The following SMARCC2 variants were observed in gnomAD, a reference collection of about 807,000 sequenced individuals.
SMARCC2 encodes SWI/SNF related BAF chromatin remodeling complex subunit C2.
SMARCC2 carries 15 observed loss-of-function variants against 151.3 expected under a neutral mutation model. The observed-to-expected ratio is 0.10, with a 90% CI of 0.07 to 0.15. The LOEUF is 0.15. Among genes scored for constraint, SMARCC2 ranks in the 10% least tolerant of loss-of-function variants. SMARCC2 has a pLI of 1.00. For synonymous variants in SMARCC2, 590 were observed against 609.5 expected, an observed-to-expected ratio of 0.97 and a Z score of 0.47; for missense variants, 1,031 against 1,599.7, an observed-to-expected ratio of 0.64 and a Z score of 6.06.
chr12:56,178,347 G>A, intron 14 of SMARCC2, 57 bp downstream of exon 14: 2 of 1,587,368 alleles, frequency 1.3e-6, no homozygotes, highest in Non-Finnish European at 8.7e-7. Flanking sequence ...AGAACAGCCT[G>A]TTGACCCCTG....
intron 15 of SMARCC2, among the ~76,000 whole-genome samples, chr12:56,176,611 G>C (rs1447226934): frequency 6.6e-6 from 1 of 151,050 alleles, no homozygotes; most frequent in African/African-American, 2.4e-5. Flanking sequence ...CCAAGTAGCT[G>C]GAACTACAGG....
chr12:56,172,388 T>A, intron 20 of SMARCC2, 40 bp downstream of exon 20: 1 of 1,520,806 alleles, frequency 6.6e-7, no homozygotes, highest in Non-Finnish European at 8.8e-7. Flanking sequence ...AGCCCACTTC[T>A]GTTTTCAGAG....
chr12:56,166,821 T>G (rs1872865742), intron 26 of SMARCC2, among the ~76,000 whole-genome samples: 1 of 152,010 alleles, frequency 6.6e-6, no homozygotes, highest in Non-Finnish European at 1.5e-5. Flanking sequence ...CCCAGCGCTT[T>G]GGGAGGCTGA....
intron 22 of SMARCC2, among the ~76,000 whole-genome samples, chr12:56,170,936 T>C (rs1873832552): frequency 6.6e-6 from 1 of 151,458 alleles, no homozygotes; most frequent in Non-Finnish European, 1.5e-5. Flanking sequence ...TTTCAGCATC[T>C]TGGCCAGGCT....
At chr12:56,179,105 G>A (rs1875616742) in intron 11 of SMARCC2, 49 bp from the exon 12 acceptor site, 1 of 1,536,598 alleles carries the variant, frequency 6.5e-7, no homozygotes, top group African/African-American at 1.4e-5. Flanking sequence ...CCTAATTCAA[G>A]CCTTCAATTT....
At chr12:56,184,022 T>C (rs1876766226) in intron 6 of SMARCC2, 92 bp from the exon 7 acceptor site, 1 of 1,098,544 alleles carries the variant, frequency 9.1e-7, no homozygotes, top group Non-Finnish European at 1.4e-6. Flanking sequence ...CACTCTCCTG[T>C]TGTAGCAGGG....
At chr12:56,175,862 A>AT (rs1039634419) in intron 15 of SMARCC2, among the ~76,000 whole-genome samples, 64 of 148,408 alleles carry the variant, frequency 4.3e-4, no homozygotes, top group African/African-American at 6.7e-4. Context: ...ATCATTTACT[A>AT]TTTTTTTTTT....
intron 26 of SMARCC2, among the ~76,000 whole-genome samples, chr12:56,167,500 G>A (rs866520375): frequency 3.3e-5 from 5 of 152,188 alleles, no homozygotes; most frequent in South Asian, 4.1e-4. Context: ...ACTGTGCCCA[G>A]TCCCTATTGT....
At chr12:56,179,726 G>A (rs1354967287) in intron 11 of SMARCC2, among the ~76,000 whole-genome samples, 1 of 152,106 alleles carries the variant, frequency 6.6e-6, no homozygotes, top group Non-Finnish European at 1.5e-5. Flanking sequence ...TCGCTCTGTC[G>A]CCCAGGCTGG....
At position 56,169,600 on chromosome 12, in the gene SMARCC2, G is replaced by A. The variant is rs1171843395; in HGVS notation, c.2644C>T (p.Arg882Trp). 2 of 1,614,006 alleles carry A rather than the reference G, an allele frequency of 1.2e-6. No homozygotes were observed. Among genetic ancestry groups the A allele is most frequent in the Non-Finnish European group, 1.7e-6 (2 of 1,179,948 alleles). Residue 882 changes from arginine to tryptophan, a missense_variant, in exon 25 of 29, where the codon CGG becomes TGG. Coordinates refer to ENST00000550164, the MANE Select transcript of SMARCC2 (RefSeq NM_001330288.2). Reference protein sequence around the residue: ...SEGERKTKVERDIGEGNLSTA... With the variant: ...SEGERKTKVEWDIGEGNLSTA... ...GAGAGGTTGCCCTCGCCAATGTCCCGCTCCACCTTTGTCTTCCTTTCCCCC... is the reference window on the plus strand; with the variant it reads ...GAGAGGTTGCCCTCGCCAATGTCCCACTCCACCTTTGTCTTCCTTTCCCCC...
At chr12:56,168,331 T>G (rs1873228022) in intron 25 of SMARCC2, 137 bp from the exon 26 acceptor site, 1 of 936,200 alleles carries the variant, frequency 1.1e-6, no homozygotes, top group Admixed American at 2.5e-5. Flanking sequence ...GGGCTTGACT[T>G]TTTTGTGCTG....
chr12:56,189,285 G>A, intron 1 of SMARCC2, 66 bp downstream of exon 1: 5 of 1,015,308 alleles, frequency 4.9e-6, no homozygotes, highest in Non-Finnish European at 7.0e-6. Flanking sequence ...AGGATCCCGG[G>A]GCTGCAGGGC....
chr12:56,178,229 C>A, intron 14 of SMARCC2, 136 bp from the exon 15 acceptor site: 1 of 920,748 alleles, frequency 1.1e-6, no homozygotes, highest in East Asian at 2.5e-5. Flanking sequence ...GGAGAACATC[C>A]CACAGGCTGT....
chr12:56,170,140 A>G lies in SMARCC2; in HGVS notation c.2412+4T>C, dbSNP rs1873639281. 3 of 1,612,186 alleles carry G rather than the reference A, an allele frequency of 1.9e-6. No individual in the cohort carries two copies. The highest frequency in any genetic ancestry group is 2.5e-6 in the Non-Finnish European group (3 of 1,178,446). ...CCCTGCAGCTTCCAGAAATCCCTCT[A>G]TACCTTGGGCTCCTTCTTCTCATCT... On this transcript the variant is annotated splice_donor_region_variant and intron_variant, in intron 23 of 28. Transcript: ENST00000550164.
chr12:56,182,052 T>A lies in SMARCC2; in HGVS notation c.660A>T (p.Glu220Asp). Reference protein sequence around the residue: ...DSYDTWIPASEIEASVEDAPT... With the variant: ...DSYDTWIPASDIEASVEDAPT... Reference sequence around the variant, plus strand: ...GAGCATCTTCCACAGATGCCTCAATTTCACTCGCTGGGATCCACGTGTCGT... The same window carrying A: ...GAGCATCTTCCACAGATGCCTCAATATCACTCGCTGGGATCCACGTGTCGT... Residue 220 changes from glutamate to aspartate, a missense_variant, in exon 8 of 29, where the codon GAA becomes GAT. Glu to Asp is a conservative substitution (Grantham distance 45). This residue lies in a region of SMARCC2 where 123 missense variants were observed against 190.4 expected (regional missense o/e 0.65). Transcript: ENST00000550164. 6.2e-7 allele frequency: 1 copy of A among 1,613,358 alleles called. No individual in the cohort carries two copies. The highest frequency in any genetic ancestry group is 1.1e-5 in the South Asian group (1 of 90,960).
At position 56,181,110 on chromosome 12, in the gene SMARCC2, G is replaced by C; in HGVS notation, c.957-9C>G. ...TGTAAGGTGTTGAGGGACTGGGAAG[G>C]AAAGAGAGTGAAAGAGAACCCAGTC... is the stretch of plus-strand genomic sequence containing the variant. On this transcript the variant is annotated splice_polypyrimidine_tract_variant and intron_variant, in intron 10 of 28. Coordinates refer to ENST00000550164, the MANE Select transcript of SMARCC2 (RefSeq NM_001330288.2). 6.2e-7 allele frequency: 1 copy of C among 1,605,306 alleles called. No homozygotes were observed. The highest frequency in any genetic ancestry group is 8.5e-7 in the Non-Finnish European group (1 of 1,176,734).
intron 11 of SMARCC2, 127 bp downstream of exon 11, chr12:56,180,850 C>G (rs1592314086): frequency 1.0e-6 from 1 of 974,372 alleles, no homozygotes; most frequent in East Asian, 2.4e-5. Flanking sequence ...CAATAACCAG[C>G]TAAATTTAAG....
chr12:56,186,275 G>T (rs781183964), intron 2 of SMARCC2, 35 bp from the exon 3 acceptor site: 3 of 1,318,504 alleles, frequency 2.3e-6, no homozygotes, highest in Non-Finnish European at 1.1e-6. Flanking sequence ...GCATGTCAAG[G>T]TTCCACTGTA....
chr12:56,181,567 T>C lies in SMARCC2; in HGVS notation c.871A>G (p.Lys291Glu). 6.3e-7 allele frequency: 1 copy of C among 1,593,996 alleles called. No individual in the cohort carries two copies. Among genetic ancestry groups the C allele is most frequent in the Non-Finnish European group, 8.5e-7 (1 of 1,170,278 alleles). Residue 291 changes from lysine (K) to glutamate (E), a missense_variant, in exon 10 of 29, where the codon AAG becomes GAG. Physicochemically the swap from Lys to Glu is moderately conservative, Grantham distance 56 (BLOSUM62 1). This residue lies in a region of SMARCC2 where 123 missense variants were observed against 190.4 expected (regional missense o/e 0.65). Coordinates refer to ENST00000550164, the MANE Select transcript of SMARCC2 (RefSeq NM_001330288.2). ...VNSPDSDRRD[K>E]KGGNYKKRKR... ...CTCTTCTTATAGTTTCCCCCCTTCT[T>C]GTCCCGTCGATCTGAATCTGGGCTG...
Sources: allele counts gnomAD v4.1 joint callset (sites outside exome capture counted in the v4.1 genomes callset), GRCh38; gene constraint gnomAD v4.1.1; regional missense constraint gnomAD v4.1.1; transcripts MANE v1.5; gene names NCBI Gene and HGNC (gene_info 2026-07-23, HGNC 2026-07-21).